INPP5A: variants seen among roughly 807,000 people sequenced by gnomAD.
The protein encoded by INPP5A is 43 kDa inositol polyphosphate 5-phophatase.
A neutral mutation model predicts 65.2 loss-of-function variants in INPP5A; 14 were observed. The ratio of observed to expected loss-of-function variants is 0.21; its 90% CI spans 0.14 to 0.34. The LOEUF is 0.34. Ranked by LOEUF, INPP5A falls within the 10% of genes least tolerant of loss-of-function variation. The pLI is 1.00. For synonymous variants in INPP5A, 207 were observed against 208.3 expected (o/e 0.99, Z 0.05); for missense variants, 431 against 545.6 (o/e 0.79, Z 2.09).
At chr10:132,645,307 T>A (rs2072478147) in intron 2 of INPP5A, among the ~76,000 whole-genome samples, 1 of 152,232 alleles carries the variant, frequency 6.6e-6, no homozygotes, top group Non-Finnish European at 1.5e-5. Context: ...GAGTTGCTGC[T>A]GTGTGTCGGC....
In INPP5A at chr10:132,710,572, G is replaced by A. The variant is rs1845617543; in HGVS notation, c.647+116G>A. On this transcript the variant is annotated intron_variant, in intron 8 of 15. Coordinates refer to ENST00000368594, the MANE Select transcript of INPP5A (RefSeq NM_005539.5). ...GTAGGTATGCTGGGCAGGTCGGTGT[G>A]GGTGGACAGGTAGGTGGGGTGGACA... 6 of 1,371,534 alleles carry A rather than the reference G, an allele frequency of 4.4e-6. No individual in the cohort carries two copies. In the South Asian group the frequency reaches 8.2e-5, roughly 19 times the overall value. 85.0% of individuals were successfully genotyped at this position (1,371,534 alleles called of 1,614,324 possible). A position where few individuals can be genotyped will look rare whatever the true frequency, so the allele number is the denominator to read the frequency against.
At chr10:132,735,837 C>T (rs1436009853) in intron 9 of INPP5A, among the ~76,000 whole-genome samples, 1 of 152,206 alleles carries the variant, frequency 6.6e-6, no homozygotes, top group Non-Finnish European at 1.5e-5. Context: ...GGACGACCAG[C>T]TTGGTGGCCC....
chr10:132,606,770 T>G (rs1221546972), intron 1 of INPP5A, among the ~76,000 whole-genome samples: 3 of 152,180 alleles, frequency 2.0e-5, no homozygotes, highest in East Asian at 3.9e-4. Flanking sequence ...CCACGGAGGC[T>G]GAGACCAGGG....
At chr10:132,596,855 GTGC>G (rs1590856001) in intron 1 of INPP5A, among the ~76,000 whole-genome samples, 2 of 86,284 alleles carry the variant, frequency 2.3e-5, no homozygotes, top group East Asian at 6.8e-4. Context: ...ATGCGTGTGT[GTGC>G]ATGTGTGTGC....
At chr10:132,716,905 C>T (rs935156912) in intron 8 of INPP5A, among the ~76,000 whole-genome samples, 3 of 152,326 alleles carry the variant, frequency 2.0e-5, no homozygotes, top group African/African-American at 7.2e-5. Flanking sequence ...CGACTCTGCC[C>T]GAGAGCACTT....
chr10:132,608,953 G>T (rs918247022), intron 2 of INPP5A, among the ~76,000 whole-genome samples: 8 of 152,302 alleles, frequency 5.3e-5, no homozygotes, highest in Admixed American at 4.6e-4. Context: ...GAGGGCTGGG[G>T]ACCTCTGTGC....
In INPP5A at chr10:132,753,614, T is replaced by A. The variant is rs912255214; in HGVS notation, c.903+3769T>A. 2.6e-5 allele frequency among the ~76,000 whole-genome samples: 4 copies of A among 152,166 alleles called. No individual in the cohort carries two copies. Among genetic ancestry groups the A allele is most frequent in the African/African-American group, 7.2e-5 (3 of 41,442 alleles). On this transcript the variant is annotated intron_variant, in intron 11 of 15. Transcript: ENST00000368594. This position sits in a 1 kb window ranked among gnomAD's most constrained non-coding sequence, Gnocchi z 5.3. Reference sequence around the variant, plus strand: ...GTCAGGGCTGCAGGATGGAGTGCCCTGGTGAGGATTTGGAGAGATTAAATT... The same window carrying A: ...GTCAGGGCTGCAGGATGGAGTGCCCAGGTGAGGATTTGGAGAGATTAAATT...
At chr10:132,629,773 C>A (rs1175257215) in intron 2 of INPP5A, among the ~76,000 whole-genome samples, 1 of 152,220 alleles carries the variant, frequency 6.6e-6, no homozygotes, top group African/African-American at 2.4e-5. Flanking sequence ...GGAAGCTGTC[C>A]TCCAGGGAAG....
chr10:132,647,090 C>G (rs889182411), intron 3 of INPP5A, among the ~76,000 whole-genome samples: 1 of 151,950 alleles, frequency 6.6e-6, no homozygotes, highest in African/African-American at 2.4e-5. Context: ...CCAAAATAAT[C>G]TGTAATTTAA....
intron 12 of INPP5A, among the ~76,000 whole-genome samples, chr10:132,768,016 T>C (rs12766706): frequency 0.39 from 27,058 of 70,098 alleles, 3,016 homozygotes; most frequent in Middle Eastern, 0.43. Context: ...CAGTGGCATT[T>C]CAGAAAGATC....
intron 9 of INPP5A, among the ~76,000 whole-genome samples, 167 bp from the exon 10 acceptor site, chr10:132,749,350 T>C (rs569024160): frequency 7.9e-5 from 12 of 151,782 alleles, no homozygotes; most frequent in African/African-American, 2.6e-4. Context: ...CGTGTGAGGG[T>C]CGGCTGTTGC....
chr10:132,567,776 C>G (rs1385293995), intron 1 of INPP5A, among the ~76,000 whole-genome samples: 1 of 152,090 alleles, frequency 6.6e-6, no homozygotes, highest in Non-Finnish European at 1.5e-5. Context: ...ATTTAATGTT[C>G]TCTACATATA....
Position 132,627,413 on chromosome 10 carries a change from C to T in INPP5A, c.118-18455C>T, listed in dbSNP as rs1292822877. Among the ~76,000 whole-genome samples the T allele has an allele frequency of 6.6e-6, 1 of 151,970 alleles. No homozygotes were observed. The highest frequency in any genetic ancestry group is 1.5e-5 in the Non-Finnish European group (1 of 67,976). On this transcript the variant is annotated intron_variant, in intron 2 of 15. Coordinates refer to ENST00000368594, the MANE Select transcript of INPP5A (RefSeq NM_005539.5). This position sits in a 1 kb window ranked among gnomAD's most constrained non-coding sequence, Gnocchi z 6.6. ...TGTCCTGGCCGCTGAGCAGGTGGGTCTGGAGGGCGGTGGGGCTGGCGGTGC... is the reference window on the plus strand; with the variant it reads ...TGTCCTGGCCGCTGAGCAGGTGGGTTTGGAGGGCGGTGGGGCTGGCGGTGC...
At chr10:132,737,402 C>A (rs1210791939) in intron 9 of INPP5A, among the ~76,000 whole-genome samples, 9 of 152,200 alleles carry the variant, frequency 5.9e-5, no homozygotes, top group African/African-American at 2.2e-4. Flanking sequence ...GTTAGCGCAG[C>A]CCCGTCCTCT....
chr10:132,679,119 C>G (rs996512368), intron 4 of INPP5A, among the ~76,000 whole-genome samples: 1 of 152,182 alleles, frequency 6.6e-6, no homozygotes, highest in African/African-American at 2.4e-5. Context: ...GGGGCTACAG[C>G]TGTGGAGGAG....
rs1269159306 is a variant in INPP5A at position 132,675,650 on chromosome 10, C to T, written c.307-14742C>T. 2.6e-5 allele frequency among the ~76,000 whole-genome samples: 4 copies of T among 152,210 alleles called. No homozygotes were observed. Among genetic ancestry groups the T allele is most frequent in the African/African-American group, 9.6e-5 (4 of 41,454 alleles). On this transcript the variant is annotated intron_variant, in intron 4 of 15. Transcript: ENST00000368594. The surrounding 1 kb of genome is among the most constrained non-coding windows in gnomAD (Gnocchi z 4.2). ...CCACGCGGAGAACTGGGACCCCGAT[C>T]AGGGTCTGGAGGGAGCGTGTGCCCT...
chr10:132,781,827 G>T (rs776578512), intron 14 of INPP5A, 34 bp from the exon 15 acceptor site: 2 of 1,574,316 alleles, frequency 1.3e-6, no homozygotes, highest in South Asian at 2.2e-5. Flanking sequence ...TCCCGCGTGC[G>T]CCGTGCTGAC....
intron 1 of INPP5A, among the ~76,000 whole-genome samples, chr10:132,592,793 G>A (rs564666457): frequency 4.1e-4 from 63 of 152,366 alleles, no homozygotes; most frequent in African/African-American, 1.3e-3. Context: ...TTTCTGTGCT[G>A]TGTAACAGGT....
At chr10:132,781,806 G>A (rs1016993151) in intron 14 of INPP5A, 55 bp from the exon 15 acceptor site, 112 of 1,428,694 alleles carry the variant, frequency 7.8e-5, no homozygotes, top group Non-Finnish European at 1.0e-4. Flanking sequence ...GCGGCGGCAT[G>A]TGCTGTGCTG....
Sources: gnomAD v4.1 joint callset for allele counts (sites outside exome capture counted in the v4.1 genomes callset) on GRCh38, gnomAD v4.1.1 for gene constraint, Gnocchi (gnomAD v3.1) non-coding constraint, MANE v1.5 for transcripts, NCBI Gene and HGNC (gene_info 2026-07-23, HGNC 2026-07-21) for gene names.